NXPE1: variants seen among roughly 807,000 people sequenced by gnomAD.
NXPE1 encodes the protein neurexophilin and PC-esterase domain family member 1.
Under a neutral mutation model 33.3 loss-of-function variants are expected in NXPE1, and 31 were observed. The observed-to-expected ratio is 0.93, with a 90% CI of 0.70 to 1.26. NXPE1 has a LOEUF of 1.26. Ranked by LOEUF, NXPE1 falls within the 50% of genes most tolerant of loss-of-function variation. NXPE1 has a pLI of 0.00. For missense variants in NXPE1, 661 were observed against 655.6 expected (o/e 1.01, Z -0.09); for synonymous variants, 229 against 231.4 (o/e 0.99, Z 0.09).
rs919394637 is a variant in NXPE1 at position 114,553,797 on chromosome 11, A to T, written c.-210-917T>A. 7 of 976,604 alleles carry T rather than the reference A, an allele frequency of 7.2e-6. No homozygotes were observed. The East Asian group carries it at 6.8e-4, about 96-fold the overall frequency. 60.5% of individuals were successfully genotyped at this position (976,604 alleles called of 1,614,324 possible). ...AGCTGAACCCAGCCTTTGCTGGCTT[A>T]TGAAAGCCTATTCATGCACATTTCT... On this transcript the variant is annotated intron_variant, in intron 1 of 8. Coordinates refer to ENST00000534921, the Ensembl canonical transcript of NXPE1.
At chr11:114,534,005 C>G (rs558171578) in intron 5 of NXPE1, among the ~76,000 whole-genome samples, 10 of 152,204 alleles carry the variant, frequency 6.6e-5, no homozygotes, top group African/African-American at 2.4e-4. Context: ...GGTCCCTGAC[C>G]CCCAAGTAGC....
chr11:114,548,809 G>A (rs1314889741), intron 5 of NXPE1, among the ~76,000 whole-genome samples: 1 of 151,526 alleles, frequency 6.6e-6, no homozygotes. Flanking sequence ...GAAGGTAAAA[G>A]CAAAAGTAAT....
intron 6 of NXPE1, chr11:114,529,939 C>T (rs778301687): frequency 1.4e-4 from 65 of 458,548 alleles, no homozygotes; most frequent in Non-Finnish European, 2.2e-4. Context: ...TTCAGTGGAA[C>T]ATCTGTGAAC....
chr11:114,544,332 T>C (rs1309423519), intron 5 of NXPE1, among the ~76,000 whole-genome samples: 1 of 152,212 alleles, frequency 6.6e-6, no homozygotes, highest in African/African-American at 2.4e-5. Flanking sequence ...CAAGGCTTAT[T>C]ACAAAGCTGC....
At chr11:114,536,113 T>C (rs1177094227) in intron 5 of NXPE1, among the ~76,000 whole-genome samples, 1 of 152,046 alleles carries the variant, frequency 6.6e-6, no homozygotes, top group Non-Finnish European at 1.5e-5. Flanking sequence ...AAACTAGAAC[T>C]CAGGATTAAG....
At chr11:114,542,615 A>G (rs573758600) in intron 5 of NXPE1, among the ~76,000 whole-genome samples, 2 of 152,256 alleles carry the variant, frequency 1.3e-5, no homozygotes, top group African/African-American at 4.8e-5. Flanking sequence ...CATTTGCCTT[A>G]TAGTTATTAA....
At chr11:114,523,354 A>G (rs773922899) in intron 7 of NXPE1, among the ~76,000 whole-genome samples, 3 of 151,878 alleles carry the variant, frequency 2.0e-5, no homozygotes, top group South Asian at 2.1e-4. Context: ...TTGACGTTCT[A>G]TCCTTTCTTT....
chr11:114,521,989 C>A, exon 9 of NXPE1: 1 of 1,612,186 alleles, frequency 6.2e-7, no homozygotes, highest in Non-Finnish European at 8.5e-7. Context: ...AGTTTAAGAA[C>A]ATGTTAATCT....
chr11:114,540,159 G>A (rs1176806913), intron 5 of NXPE1, among the ~76,000 whole-genome samples: 2 of 152,180 alleles, frequency 1.3e-5, no homozygotes, highest in Non-Finnish European at 2.9e-5. Flanking sequence ...GTTTCACCAT[G>A]TTGGCCAGGC....
At chr11:114,539,725 G>A (rs1226082458) in intron 5 of NXPE1, among the ~76,000 whole-genome samples, 4 of 152,060 alleles carry the variant, frequency 2.6e-5, no homozygotes, top group Non-Finnish European at 2.9e-5. Context: ...TAGCCCTAGT[G>A]TAAATTATTG....
At chr11:114,530,256 G>A in exon 6 of NXPE1, 3 of 1,613,824 alleles carry the variant, frequency 1.9e-6, no homozygotes, top group Non-Finnish European at 2.5e-6. Flanking sequence ...AGCCTCACAG[G>A]GCATGTGTTG....
chr11:114,553,566 C>G (rs1251779103), intron 1 of NXPE1: 2 of 262,178 alleles, frequency 7.6e-6, no homozygotes, highest in Non-Finnish European at 1.2e-5. Context: ...ATTTTTGCAT[C>G]TATTTTCTAC....
chr11:114,544,430 ATAT>A (rs1212472389), intron 5 of NXPE1, among the ~76,000 whole-genome samples: 2 of 152,204 alleles, frequency 1.3e-5, no homozygotes, highest in Non-Finnish European at 2.9e-5. Flanking sequence ...ATGCATACAA[ATAT>A]TATCAACTGA....
chr11:114,527,924 TA>T (rs1306919150), intron 6 of NXPE1, 23 bp from the exon 7 acceptor site: 3 of 1,566,152 alleles, frequency 1.9e-6, no homozygotes, highest in Non-Finnish European at 2.6e-6. Context: ...AATAGAACAA[TA>T]AATTAGCCTG....
chr11:114,557,733 G>A lies in NXPE1; in HGVS notation c.-211+2065C>T, dbSNP rs534633012. ...TCCTTCTTTTTCATTCTTCTTTGCCGTTCTCTACTGTCATTTGGGAGAATT... is the reference window on the plus strand; with the variant it reads ...TCCTTCTTTTTCATTCTTCTTTGCCATTCTCTACTGTCATTTGGGAGAATT... On this transcript the variant is annotated intron_variant, in intron 1 of 8. Transcript: ENST00000534921. 1.7e-3 allele frequency among the ~76,000 whole-genome samples: 243 copies of A among 144,048 alleles called. 1 individual carries two copies. Among genetic ancestry groups the A allele is most frequent in the Non-Finnish European group, 2.9e-3 (192 of 66,142 alleles). The allele number at this position is 144,048 out of a possible 152,430, so 94.5% of individuals were successfully genotyped here.
At chr11:114,536,594 G>A (rs1947835793) in intron 5 of NXPE1, among the ~76,000 whole-genome samples, 1 of 152,082 alleles carries the variant, frequency 6.6e-6, no homozygotes, top group South Asian at 2.1e-4. Flanking sequence ...AAATGACAAA[G>A]GGGATATCAC....
intron 7 of NXPE1, among the ~76,000 whole-genome samples, chr11:114,524,068 G>T (rs1425043180): frequency 1.3e-5 from 2 of 152,170 alleles, no homozygotes; most frequent in Non-Finnish European, 2.9e-5. Flanking sequence ...TTACTGTGTG[G>T]CTTTAATCTC....
At chr11:114,530,757 A>C in exon 6 of NXPE1, 1 of 1,614,116 alleles carries the variant, frequency 6.2e-7, no homozygotes, top group East Asian at 2.2e-5. Context: ...TCTGGGTGGG[A>C]TCTGCTGATC....
intron 7 of NXPE1, among the ~76,000 whole-genome samples, chr11:114,524,952 C>T (rs1947325460): frequency 6.6e-6 from 1 of 151,976 alleles, no homozygotes; most frequent in Non-Finnish European, 1.5e-5. Flanking sequence ...CTGATTAACC[C>T]CGGTTTATCT....
Sources: gnomAD v4.1 joint callset for allele counts (sites outside exome capture counted in the v4.1 genomes callset) on GRCh38, gnomAD v4.1.1 for gene constraint, MANE v1.5 for transcripts, NCBI Gene and HGNC (gene_info 2026-07-23, HGNC 2026-07-21) for gene names.